Variants in DENND2B observed in about 807,000 individuals in gnomAD.
DENND2B encodes DENN domain containing 2B.
A neutral mutation model predicts 116.0 loss-of-function variants in DENND2B; 32 were observed. The ratio of observed to expected loss-of-function variants is 0.28; its 90% confidence interval spans 0.21 to 0.37. The LOEUF is 0.37. Ranked by LOEUF, DENND2B falls within the 10% of genes least tolerant of loss-of-function variation. The pLI, the probability that DENND2B is intolerant of heterozygous loss-of-function variation, is 1.00. For synonymous variants in DENND2B, 588 were observed against 583.9 expected (o/e 1.01, Z -0.10); for missense variants, 1,276 against 1,477.7 (o/e 0.86, Z 2.24).
chr11:8,869,598 G>T (rs940587929), intron 2 of DENND2B, among the ~76,000 whole-genome samples: 2 of 151,892 alleles, frequency 1.3e-5, no homozygotes, highest in Admixed American at 1.3e-4. Flanking sequence ...GGAGGCGGGG[G>T]TTGCAGTGAG....
intron 1 of DENND2B, among the ~76,000 whole-genome samples, chr11:8,789,277 T>C (rs896444107): frequency 1.3e-5 from 2 of 152,234 alleles, no homozygotes; most frequent in South Asian, 2.1e-4. Context: ...TGAAGCTGGA[T>C]GGTGGACACA....
chr11:8,715,524 A>G (rs764548209), intron 6 of DENND2B, 79 bp downstream of exon 6: 1 of 1,461,420 alleles, frequency 6.8e-7, no homozygotes, highest in Non-Finnish European at 9.5e-7. Flanking sequence ...GAAGGAAGGA[A>G]GCCAGGAAAG....
intron 1 of DENND2B, among the ~76,000 whole-genome samples, chr11:8,901,229 C>CTTTTTTTTTTTTTTTTTTTTT (rs1555223231): frequency 1.2e-5 from 1 of 83,918 alleles, no homozygotes; most frequent in African/African-American, 4.8e-5. Context: ...CTTTTCTTTT[C>CTTTTTTTTTTTTTTTTTTTTT]TTTTTTTTTT....
intron 1 of DENND2B, among the ~76,000 whole-genome samples, chr11:8,900,799 T>C (rs1200662536): frequency 6.6e-6 from 1 of 151,686 alleles, no homozygotes; most frequent in Non-Finnish European, 1.5e-5. Context: ...AAACCCTCTC[T>C]CTACTAAAAA....
chr11:8,698,597 G>A (rs911930012), intron 16 of DENND2B, among the ~76,000 whole-genome samples: 2 of 152,212 alleles, frequency 1.3e-5, no homozygotes, highest in African/African-American at 2.4e-5. Context: ...TTCAAGGCAG[G>A]TGTTGTCACC....
chr11:8,755,081 G>A (rs1415826793), intron 1 of DENND2B, among the ~76,000 whole-genome samples: 1 of 152,180 alleles, frequency 6.6e-6, no homozygotes, highest in African/African-American at 2.4e-5. Flanking sequence ...GTGCCTTGGA[G>A]AGTGGGTGTG....
intron 1 of DENND2B, chr11:8,807,724 A>T (rs2061001078): frequency 6.6e-6 from 1 of 152,230 alleles, no homozygotes; most frequent in African/African-American, 2.4e-5. Flanking sequence ...GACTGATGGG[A>T]GTCGGGGAAC....
chr11:8,711,175 G>A lies in DENND2B; in HGVS notation c.2229C>T (p.Pro743=). 1.2e-6 allele frequency: 2 copies of A among 1,614,100 alleles called. No individual in the cohort carries two copies. The highest frequency in any genetic ancestry group is 1.7e-6 in the Non-Finnish European group (2 of 1,180,024). Residue 743 remains proline, a synonymous_variant, in exon 10 of 20, where the codon CCC becomes CCT. Coordinates refer to ENST00000313726, the MANE Select transcript of DENND2B (RefSeq NM_213618.2). ...REAEERLKAI[P]QFCFPDAKDW... ...CCTTGGCATCAGGGAAGCAAAACTG[G>A]GGAATGGCTTTGAGCCTTTCCTCTG...
At position 8,697,503 on chromosome 11, in the gene DENND2B, C is replaced by G. The variant is rs200122628; in HGVS notation, c.3052+22G>C. The G allele has an allele frequency of 1.9e-5, 31 of 1,592,626 alleles. No homozygotes were observed. The African/African-American group carries it at 3.5e-4, about 18-fold the overall frequency. The stretch of plus-strand genomic sequence containing the variant: ...AGAGGGAGCCTGGAGCAGAGCTGAC[C>G]GTGCCCGGGCACTATTCTCACCATC... On this transcript the variant is annotated intron_variant, in intron 17 of 19. Coordinates refer to ENST00000313726, the MANE Select transcript of DENND2B (RefSeq NM_213618.2).
chr11:8,895,441 A>G (rs1230541413), intron 1 of DENND2B: 1 of 152,216 alleles, frequency 6.6e-6, no homozygotes, highest in Non-Finnish European at 1.5e-5. Flanking sequence ...ATATACTACA[A>G]CATGGATGAA....
intron 16 of DENND2B, among the ~76,000 whole-genome samples, 191 bp downstream of exon 16, chr11:8,698,742 G>A (rs1436074791): frequency 6.6e-6 from 1 of 152,218 alleles, no homozygotes; most frequent in Non-Finnish European, 1.5e-5. Context: ...AGAAGCTCAT[G>A]ATGTCACTGG....
chr11:8,717,918 G>C (rs765574899), intron 4 of DENND2B, 26 bp from the exon 5 acceptor site: 4 of 1,598,132 alleles, frequency 2.5e-6, no homozygotes, highest in Admixed American at 3.5e-5. Flanking sequence ...AGTTAGAGAA[G>C]GGGGAGAAGG....
chr11:8,866,972 G>A (rs528785366), intron 2 of DENND2B, among the ~76,000 whole-genome samples: 8 of 151,600 alleles, frequency 5.3e-5, no homozygotes, highest in South Asian at 2.1e-4. Flanking sequence ...TTTTGATTTC[G>A]CATTTTTTAT....
chr11:8,774,327 T>C (rs1015676022), intron 1 of DENND2B: 1 of 985,440 alleles, frequency 1.0e-6, no homozygotes, highest in Non-Finnish European at 1.2e-6. Context: ...GGCTGCCTTA[T>C]AGCAAGTTCT....
chr11:8,779,588 C>A (rs3850933), intron 1 of DENND2B, among the ~76,000 whole-genome samples: 86,053 of 149,000 alleles, frequency 0.58, 25,970 homozygotes, highest in Non-Finnish European at 0.66. Context: ...TCTCGGCTCA[C>A]CACAACCTCT....
At chr11:8,828,453 C>G (rs1349422956) in intron 4 of DENND2B, among the ~76,000 whole-genome samples, 1 of 152,098 alleles carries the variant, frequency 6.6e-6, no homozygotes, top group Admixed American at 6.5e-5. Context: ...TGCGGGGAAG[C>G]TGGGGGTCAG....
intron 1 of DENND2B, among the ~76,000 whole-genome samples, chr11:8,787,460 G>A (rs1234414177): frequency 6.6e-6 from 1 of 152,146 alleles, no homozygotes; most frequent in Non-Finnish European, 1.5e-5. Context: ...ACAGGCACAT[G>A]CCATCATGCC....
At chr11:8,739,269 T>G (rs1011702261) in intron 2 of DENND2B, among the ~76,000 whole-genome samples, 5 of 152,094 alleles carry the variant, frequency 3.3e-5, no homozygotes, top group African/African-American at 1.2e-4. Context: ...AGTATCGCCG[T>G]CAGCCCCCGA....
intron 2 of DENND2B, among the ~76,000 whole-genome samples, chr11:8,741,384 C>A (rs2050179956): frequency 6.6e-6 from 1 of 152,170 alleles, no homozygotes; most frequent in African/African-American, 2.4e-5. Flanking sequence ...AGAGAGAATA[C>A]TGACACTGCA....
Sources: gnomAD v4.1 joint callset for allele counts (sites outside exome capture counted in the v4.1 genomes callset) on GRCh38, gnomAD v4.1.1 for gene constraint, MANE v1.5 for transcripts, NCBI Gene and HGNC (gene_info 2026-07-23, HGNC 2026-07-21) for gene names.